CDH13: variants seen among roughly 807,000 people sequenced by gnomAD.
CDH13 encodes cadherin 13.
Under a neutral mutation model 63.8 loss-of-function variants are expected in CDH13, and 24 were observed. The ratio of observed to expected loss-of-function variants is 0.38; its 90% confidence interval spans 0.27 to 0.53. The LOEUF is 0.53. Ranked by LOEUF, CDH13 falls within the 20% of genes least tolerant of loss-of-function variation. The pLI, the probability that CDH13 is intolerant of heterozygous loss-of-function variation, is 0.85. For missense variants in CDH13, 1,049 were observed against 903.1 expected (o/e 1.16, Z -2.07); for synonymous variants, 503 against 355.3 (o/e 1.42, Z -4.67).
intron 1 of CDH13, among the ~76,000 whole-genome samples, chr16:82,800,812 G>T (rs917406209): frequency 3.0e-4 from 45 of 152,308 alleles, no homozygotes; most frequent in Non-Finnish European, 5.4e-4. Flanking sequence ...TCTCAGATGA[G>T]AAATCTGGAG....
chr16:83,612,588 T>G (rs1908950793), intron 8 of CDH13, among the ~76,000 whole-genome samples: 1 of 152,116 alleles, frequency 6.6e-6, no homozygotes, highest in Non-Finnish European at 1.5e-5. Flanking sequence ...TTGATAAATT[T>G]CTTTTCCTCT....
intron 2 of CDH13, among the ~76,000 whole-genome samples, chr16:82,900,569 A>C (rs979516839): frequency 6.6e-6 from 1 of 152,252 alleles, no homozygotes; most frequent in South Asian, 2.1e-4. Flanking sequence ...TCCCCGAATA[A>C]ATAAGCCTTA....
chr16:82,934,547 T>G (rs2042605198), intron 2 of CDH13, among the ~76,000 whole-genome samples: 1 of 152,256 alleles, frequency 6.6e-6, no homozygotes, highest in South Asian at 2.1e-4. Flanking sequence ...TATGCAAATT[T>G]CTGCAGCAGG....
Position 83,217,368 on chromosome 16 carries a change from A to G in CDH13, c.507A>G (p.Glu169=). The G allele has an allele frequency of 6.2e-7, 1 of 1,613,994 alleles. No homozygotes were observed. ...VGKVVDSDRP[E]RSKFRLTGKG... The stretch of plus-strand genomic sequence containing the variant: ...AGGTAGTCGATAGTGACAGGCCAGA[A>G]AGGTCCAAGTTCCGGCTCACTGGAA... The change falls in exon 5 of 14, where the codon GAA becomes GAG. Residue 169 remains glutamate (E), a synonymous_variant. Coordinates refer to ENST00000567109, the MANE Select transcript of CDH13 (RefSeq NM_001257.5).
chr16:83,389,568 T>C (rs1197914687), intron 6 of CDH13, among the ~76,000 whole-genome samples: 1 of 152,240 alleles, frequency 6.6e-6, no homozygotes, highest in Non-Finnish European at 1.5e-5. Flanking sequence ...CTCCACATAA[T>C]GCTGCCTTAT....
intron 3 of CDH13, among the ~76,000 whole-genome samples, chr16:83,076,166 A>G (rs1369010262): frequency 6.6e-6 from 1 of 152,230 alleles, no homozygotes; most frequent in East Asian, 1.9e-4. Flanking sequence ...ATCAAACTCA[A>G]CAGGATGGCA....
chr16:83,584,441 G>A (rs1440119073), intron 7 of CDH13, among the ~76,000 whole-genome samples: 1 of 152,164 alleles, frequency 6.6e-6, no homozygotes, highest in Non-Finnish European at 1.5e-5. Context: ...ATGCTACAAG[G>A]GAACTGTGTC....
intron 5 of CDH13, among the ~76,000 whole-genome samples, chr16:83,282,161 T>A (rs929051094): frequency 6.6e-6 from 1 of 152,186 alleles, no homozygotes; most frequent in East Asian, 1.9e-4. Flanking sequence ...ACATTTGCCA[T>A]CTTTTGTCTT....
intron 1 of CDH13, among the ~76,000 whole-genome samples, chr16:82,799,342 A>G (rs556645001): frequency 3.9e-5 from 6 of 152,326 alleles, no homozygotes; most frequent in African/African-American, 9.6e-5. Flanking sequence ...TTGGCACCCA[A>G]TCCCCACTTG....
chr16:83,404,012 CT>C (rs2092006517), intron 6 of CDH13, among the ~76,000 whole-genome samples: 1 of 152,162 alleles, frequency 6.6e-6, no homozygotes, highest in Non-Finnish European at 1.5e-5. Flanking sequence ...AAATGCATTT[CT>C]TTTTTTCCAG....
At chr16:83,561,168 C>T (rs184262500) in intron 7 of CDH13, among the ~76,000 whole-genome samples, 56 of 152,044 alleles carry the variant, frequency 3.7e-4, no homozygotes, top group Admixed American at 2.9e-3. Flanking sequence ...GACTTCAGGC[C>T]GGGCGCAGTG....
chr16:83,672,407 C>CTTTTTTTTT (rs1379215242), intron 9 of CDH13, among the ~76,000 whole-genome samples: 1 of 55,188 alleles, frequency 1.8e-5, no homozygotes, highest in Non-Finnish European at 3.8e-5. Context: ...TCTCTGGATT[C>CTTTTTTTTT]TCTTTTTTTT....
intron 6 of CDH13, among the ~76,000 whole-genome samples, chr16:83,425,804 C>T (rs768069781): frequency 6.6e-6 from 1 of 151,728 alleles, no homozygotes; most frequent in Admixed American, 6.6e-5. Context: ...CCTTTACTTC[C>T]TTTCTTTTTT....
intron 1 of CDH13, among the ~76,000 whole-genome samples, chr16:82,807,786 A>T (rs372446763): frequency 1.7e-4 from 26 of 152,290 alleles, no homozygotes; most frequent in African/African-American, 6.0e-4. Context: ...TGTGGAGGAA[A>T]ATTGCTAAAG....
At chr16:82,947,046 G>GTGTGTGTA (rs376101509) in intron 2 of CDH13, among the ~76,000 whole-genome samples, 40 of 149,776 alleles carry the variant, frequency 2.7e-4, no homozygotes, top group South Asian at 1.3e-3. Context: ...GTGTGTGTGT[G>GTGTGTGTA]TGATGTTGTA....
intron 1 of CDH13, among the ~76,000 whole-genome samples, chr16:82,717,128 C>T (rs1357937067): frequency 6.6e-6 from 1 of 152,098 alleles, no homozygotes; most frequent in African/African-American, 2.4e-5. Flanking sequence ...CATCTTCTGC[C>T]TTTCATTCAA....
intron 10 of CDH13, chr16:83,721,207 T>A (rs1909651536): frequency 6.6e-6 from 1 of 152,140 alleles, no homozygotes; most frequent in African/African-American, 2.4e-5. Context: ...CCAGAACAGT[T>A]TAATTGGGGG....
At chr16:83,567,081 G>A (rs573664496) in intron 7 of CDH13, among the ~76,000 whole-genome samples, 6 of 151,994 alleles carry the variant, frequency 3.9e-5, no homozygotes, top group Non-Finnish European at 8.8e-5. Flanking sequence ...TTCCCCATTT[G>A]CCATCCAGCC....
chr16:83,585,671 G>A (rs1396986529), intron 7 of CDH13, among the ~76,000 whole-genome samples: 1 of 152,026 alleles, frequency 6.6e-6, no homozygotes, highest in African/African-American at 2.4e-5. Flanking sequence ...TATCCAAGAA[G>A]AAGGCTGACC....
Sources: allele counts gnomAD v4.1 joint callset (sites outside exome capture counted in the v4.1 genomes callset), GRCh38; gene constraint gnomAD v4.1.1; transcripts MANE v1.5; gene names NCBI Gene and HGNC (gene_info 2026-07-23, HGNC 2026-07-21).